POR: variants seen among roughly 807,000 people sequenced by gnomAD.
The protein encoded by POR is cytochrome p450 oxidoreductase.
A neutral mutation model predicts 84.0 loss-of-function variants in POR; 56 were observed. The observed-to-expected ratio is 0.67, with a 90% CI of 0.54 to 0.83. The LOEUF (loss-of-function observed/expected upper bound fraction) is 0.83. POR is among the 40% of genes least tolerant of loss of function. The pLI is 0.00. For missense variants in POR, 938 were observed against 944.3 expected (o/e 0.99, Z 0.09); for synonymous variants, 414 against 400.5 (o/e 1.03, Z -0.40).
At chr7:75,959,703 G>A (rs950447547) in intron 2 of POR, among the ~76,000 whole-genome samples, 23 of 152,182 alleles carry the variant, frequency 1.5e-4, no homozygotes, top group Non-Finnish European at 2.9e-4. Context: ...TGATCCATCC[G>A]CCTGGGCGTC....
At chr7:75,953,930 C>G in intron 1 of POR, 59 bp from the exon 2 acceptor site, 2 of 1,395,422 alleles carry the variant, frequency 1.4e-6, no homozygotes, top group Non-Finnish European at 1.9e-6. Context: ...GCACCCCAGC[C>G]AGCCTCAGGG....
At chr7:75,975,235 G>A (rs1203326282) in intron 3 of POR, among the ~76,000 whole-genome samples, 1 of 151,870 alleles carries the variant, frequency 6.6e-6, no homozygotes, top group Non-Finnish European at 1.5e-5. Context: ...AATTTATCCT[G>A]ATGTAAGATG....
At chr7:75,922,935 G>A in intron 1 of POR, 2 of 670,668 alleles carry the variant, frequency 3.0e-6, no homozygotes, top group Admixed American at 2.2e-5. Flanking sequence ...ATTCCTGGCG[G>A]CAGAAACATG....
In POR at chr7:75,929,035, G is replaced by T. The variant is rs113328586; in HGVS notation, c.-5+13856G>T. Among the ~76,000 whole-genome samples, 107 of 152,228 alleles carry T rather than the reference G, an allele frequency of 7.0e-4. No individual in the cohort carries two copies. In the Middle Eastern group the frequency reaches 0.01, roughly 15 times the overall value. The stretch of plus-strand genomic sequence containing the variant: ...TGTCTTCCTTGTAAGACAACATGGG[G>T]CAATAGAAAGCTCTGTATGGGCAAT... On this transcript the variant is annotated intron_variant, in intron 1 of 15. Transcript: ENST00000461988.
At chr7:75,983,298 G>A (rs1356179641) in intron 8 of POR, 16 of 495,802 alleles carry the variant, frequency 3.2e-5, no homozygotes, top group Non-Finnish European at 4.3e-5. Context: ...CCGAGATCGC[G>A]CCGCTGCACT....
chr7:75,930,769 AC>A (rs1807374596), intron 1 of POR, among the ~76,000 whole-genome samples: 2 of 152,098 alleles, frequency 1.3e-5, no homozygotes, highest in East Asian at 3.9e-4. Flanking sequence ...TGATCCGCCC[AC>A]CTCGACCTCC....
At chr7:75,933,565 T>C (rs1446944362) in intron 1 of POR, among the ~76,000 whole-genome samples, 1 of 151,966 alleles carries the variant, frequency 6.6e-6, no homozygotes, top group Non-Finnish European at 1.5e-5. Context: ...ATTTTTTGTA[T>C]TTTTAGTAGA....
In POR at chr7:75,986,470, G is replaced by T; in HGVS notation, c.2032G>T (p.Val678Leu). Residue 678 changes from valine (V) to leucine (L), a missense_variant, in exon 16 of 16, where the codon GTG becomes TTG. Physicochemically the swap from Val to Leu is conservative, Grantham distance 32 (BLOSUM62 1). Coordinates refer to ENST00000461988, the MANE Select transcript of POR (RefSeq NM_000941.3). ...GACCAAGGGCCGCTACTCCCTGGAC[G>T]TGTGGAGCTAGGGGCCTGCCTGCCC... The T allele has an allele frequency of 6.2e-7, 1 of 1,610,122 alleles. No homozygotes were observed. Among genetic ancestry groups the T allele is most frequent in the Non-Finnish European group, 8.5e-7 (1 of 1,179,672 alleles).
At chr7:75,958,274 C>T (rs146509081) in intron 2 of POR, among the ~76,000 whole-genome samples, 1 of 152,058 alleles carries the variant, frequency 6.6e-6, no homozygotes, top group East Asian at 1.9e-4. Context: ...GCACCACCAC[C>T]CTTGGCTAAT....
At chr7:75,980,007 G>T (rs990078931) in intron 4 of POR, among the ~76,000 whole-genome samples, 13 of 152,138 alleles carry the variant, frequency 8.5e-5, no homozygotes, top group Admixed American at 8.5e-4. Context: ...GCGGTGCCTG[G>T]GAGCTTTGGA....
At chr7:75,952,897 G>A (rs377430711) in intron 1 of POR, among the ~76,000 whole-genome samples, 3 of 151,918 alleles carry the variant, frequency 2.0e-5, no homozygotes, top group Admixed American at 6.6e-5. Context: ...AGGCAGAGAC[G>A]CTCCTCACTT....
chr7:75,978,958 G>T (rs1441172291), intron 3 of POR, among the ~76,000 whole-genome samples: 1 of 152,002 alleles, frequency 6.6e-6, no homozygotes, highest in Non-Finnish European at 1.5e-5. Flanking sequence ...CACCATGCCC[G>T]GCTAATTTTT....
intron 8 of POR, among the ~76,000 whole-genome samples, chr7:75,983,083 C>G (rs540774169): frequency 1.9e-4 from 29 of 152,178 alleles, no homozygotes; most frequent in Non-Finnish European, 3.4e-4. Flanking sequence ...GCTCACAGCT[C>G]TAATCCCAGC....
At chr7:75,983,419 T>G (rs1554558422) in intron 8 of POR, 101 bp from the exon 9 acceptor site, 1 of 797,610 alleles carries the variant, frequency 1.3e-6, no homozygotes, top group African/African-American at 1.8e-5. Flanking sequence ...CATGGAGATC[T>G]CTGAGATTCC....
intron 3 of POR, among the ~76,000 whole-genome samples, chr7:75,976,199 T>A (rs1304109702): frequency 6.6e-6 from 1 of 152,178 alleles, no homozygotes; most frequent in Middle Eastern, 3.2e-3. Flanking sequence ...AACCTGATAA[T>A]CATGAGCACT....
At position 75,972,425 on chromosome 7, in the gene POR, C is replaced by T. The variant is rs934284308; in HGVS notation, c.201C>T (p.Val67=). The T allele has an allele frequency of 1.9e-6, 3 of 1,609,970 alleles. No individual in the cohort carries two copies. The highest frequency in any genetic ancestry group is 3.4e-5 in the Admixed American group (2 of 59,372). Residue 67 remains valine (V), a synonymous_variant, in exon 3 of 16, where the codon GTC becomes GTT. Transcript: ENST00000461988. ...TTTTGTCTTGCAGGACCTCCTCTGT[C>T]AGAGAGAGCAGCTTTGTGGAAAAGA...
intron 3 of POR, among the ~76,000 whole-genome samples, chr7:75,974,082 C>T (rs1788563252): frequency 6.6e-6 from 1 of 152,182 alleles, no homozygotes; most frequent in Non-Finnish European, 1.5e-5. Flanking sequence ...TACCATGATT[C>T]CATTATATGG....
At chr7:75,946,431 T>G (rs1251408897) in intron 1 of POR, among the ~76,000 whole-genome samples, 1 of 152,008 alleles carries the variant, frequency 6.6e-6, no homozygotes, top group African/African-American at 2.4e-5. Flanking sequence ...GGACTACAGG[T>G]GCGCACCGTC....
intron 1 of POR, among the ~76,000 whole-genome samples, chr7:75,932,373 G>T (rs563470367): frequency 6.6e-6 from 1 of 152,058 alleles, no homozygotes; most frequent in African/African-American, 2.4e-5. Flanking sequence ...ATAGAAACAG[G>T]GATTTGTTGT....
Sources: allele counts gnomAD v4.1 joint callset (sites outside exome capture counted in the v4.1 genomes callset), GRCh38; gene constraint gnomAD v4.1.1; transcripts MANE v1.5; gene names NCBI Gene and HGNC (gene_info 2026-07-23, HGNC 2026-07-21).